Variants in NLGN1 observed in about 807,000 individuals in gnomAD.
The protein encoded by NLGN1 is neuroligin 1.
NLGN1 carries 12 observed loss-of-function variants against 65.5 expected under a neutral mutation model. That is an observed-to-expected ratio of 0.18 (90% CI 0.12 to 0.30). The LOEUF is 0.30. Ranked by LOEUF, NLGN1 falls within the 10% of genes least tolerant of loss-of-function variation. The pLI, the probability that NLGN1 is intolerant of heterozygous loss-of-function variation, is 1.00. For missense variants in NLGN1, 750 were observed against 1,007.1 expected (o/e 0.74, Z 3.46); for synonymous variants, 350 against 359.5 (o/e 0.97, Z 0.30).
intron 4 of NLGN1, among the ~76,000 whole-genome samples, chr3:174,233,988 C>T (rs1451252852): frequency 6.6e-6 from 1 of 151,950 alleles, no homozygotes; most frequent in Non-Finnish European, 1.5e-5. Flanking sequence ...TTTATATGGG[C>T]ATTTAAACTT....
intron 4 of NLGN1, among the ~76,000 whole-genome samples, chr3:173,958,708 G>A (rs1479848078): frequency 6.6e-6 from 1 of 152,136 alleles, no homozygotes; most frequent in Non-Finnish European, 1.5e-5. Flanking sequence ...TGAAGGTAGG[G>A]CTTCACTAGG....
chr3:173,656,217 T>A (rs780358339), intron 3 of NLGN1, among the ~76,000 whole-genome samples: 3 of 152,272 alleles, frequency 2.0e-5, no homozygotes, highest in South Asian at 2.1e-4. Flanking sequence ...GACCCCATTC[T>A]CCTGCTTCAC....
At chr3:173,994,824 C>T (rs1721931460) in intron 4 of NLGN1, among the ~76,000 whole-genome samples, 1 of 152,106 alleles carries the variant, frequency 6.6e-6, no homozygotes, top group Non-Finnish European at 1.5e-5. Flanking sequence ...AATTACAGTA[C>T]TACAAAGTGT....
At chr3:173,496,831 A>C (rs1320619098) in intron 2 of NLGN1, among the ~76,000 whole-genome samples, 3 of 151,894 alleles carry the variant, frequency 2.0e-5, no homozygotes, top group Admixed American at 1.3e-4. Flanking sequence ...TCTTATTATT[A>C]ATATTTACTA....
chr3:173,945,985 C>T (rs1007203304), intron 4 of NLGN1, among the ~76,000 whole-genome samples: 2 of 152,192 alleles, frequency 1.3e-5, no homozygotes, highest in Non-Finnish European at 2.9e-5. Flanking sequence ...TGATTTTTGC[C>T]TGGTGCCATA....
chr3:174,167,978 GT>G (rs926374237), intron 4 of NLGN1, among the ~76,000 whole-genome samples: 17 of 151,080 alleles, frequency 1.1e-4, no homozygotes, highest in African/African-American at 2.7e-4. Flanking sequence ...TATTTTTTCT[GT>G]TTTTTTTCCA....
intron 4 of NLGN1, among the ~76,000 whole-genome samples, chr3:174,076,502 A>T (rs1560984416): frequency 6.6e-6 from 1 of 152,274 alleles, no homozygotes; most frequent in East Asian, 1.9e-4. Flanking sequence ...AGGCCCAGAC[A>T]GCGTTCCTCT....
At chr3:174,043,862 C>T (rs1213820568) in intron 4 of NLGN1, among the ~76,000 whole-genome samples, 2 of 152,142 alleles carry the variant, frequency 1.3e-5, no homozygotes, top group East Asian at 3.9e-4. Context: ...CCCTATTTCC[C>T]TTATGCACTG....
intron 4 of NLGN1, among the ~76,000 whole-genome samples, chr3:173,926,300 G>C (rs1316375753): frequency 1.3e-5 from 2 of 152,076 alleles, no homozygotes; most frequent in African/African-American, 2.4e-5. Flanking sequence ...TACTAATTAT[G>C]ATTTAAGTAT....
At chr3:174,234,406 A>G (rs1488510903) in intron 4 of NLGN1, among the ~76,000 whole-genome samples, 1 of 152,126 alleles carries the variant, frequency 6.6e-6, no homozygotes, top group African/African-American at 2.4e-5. Flanking sequence ...TTGGGAGGGA[A>G]GCATGTGCAG....
chr3:173,778,384 C>T (rs553812660), intron 3 of NLGN1, among the ~76,000 whole-genome samples: 62 of 151,620 alleles, frequency 4.1e-4, no homozygotes, highest in African/African-American at 1.4e-3. Context: ...ATTTATTAGG[C>T]GATGGTTTTA....
exon 7 of NLGN1, chr3:174,281,224 A>G (rs765953828): frequency 8.7e-6 from 14 of 1,613,168 alleles, no homozygotes; most frequent in Admixed American, 3.3e-5. Flanking sequence ...CACACATTCA[A>G]TACATTTACT....
At chr3:174,059,905 A>T (rs1224948722) in intron 4 of NLGN1, among the ~76,000 whole-genome samples, 2 of 152,140 alleles carry the variant, frequency 1.3e-5, no homozygotes, top group East Asian at 1.9e-4. Context: ...CACACTCTGC[A>T]TCTAAGAGCC....
At chr3:173,708,695 G>A (rs1768446165) in intron 3 of NLGN1, among the ~76,000 whole-genome samples, 1 of 152,130 alleles carries the variant, frequency 6.6e-6, no homozygotes, top group Non-Finnish European at 1.5e-5. Context: ...ATGGCAGAGA[G>A]CTATAGTGAG....
intron 4 of NLGN1, among the ~76,000 whole-genome samples, chr3:173,951,449 G>GT (rs1748189119): frequency 6.7e-6 from 1 of 148,520 alleles, no homozygotes; most frequent in African/African-American, 2.5e-5. Context: ...CTAAGAGCAG[G>GT]TATCATTCTT....
At chr3:173,618,269 C>T (rs1320209163) in intron 3 of NLGN1, among the ~76,000 whole-genome samples, 1 of 152,022 alleles carries the variant, frequency 6.6e-6, no homozygotes, top group African/African-American at 2.4e-5. Context: ...GATGGTAGCT[C>T]ACTGTAATCC....
At chr3:173,487,473 A>G (rs994083548) in intron 2 of NLGN1, among the ~76,000 whole-genome samples, 1 of 151,994 alleles carries the variant, frequency 6.6e-6, no homozygotes, top group Non-Finnish European at 1.5e-5. Flanking sequence ...GTAATTATCT[A>G]TTAAGTAATA....
chr3:173,600,633 A>G (rs961619959), intron 2 of NLGN1, among the ~76,000 whole-genome samples: 3 of 114,176 alleles, frequency 2.6e-5, no homozygotes, highest in East Asian at 3.1e-4. Flanking sequence ...ACGTAAAGTT[A>G]TAAGTCAGAT....
intron 4 of NLGN1, among the ~76,000 whole-genome samples, chr3:174,078,547 A>G (rs1198613756): frequency 6.6e-6 from 1 of 152,208 alleles, no homozygotes. Context: ...TTTAAAAAAA[A>G]GAAGTAATGA....
Sources: gnomAD v4.1 joint callset for allele counts (sites outside exome capture counted in the v4.1 genomes callset) on GRCh38, gnomAD v4.1.1 for gene constraint, MANE v1.5 for transcripts, NCBI Gene and HGNC (gene_info 2026-07-23, HGNC 2026-07-21) for gene names.